RPL3: variants seen among roughly 807,000 people sequenced by gnomAD.
RPL3 encodes the protein large ribosomal subunit protein uL3.
RPL3 carries 3 observed loss-of-function variants against 46.0 expected under a neutral mutation model. The observed-to-expected ratio is 0.07, with a 90% CI of 0.03 to 0.17. RPL3 has a LOEUF of 0.17. Ranked by LOEUF, RPL3 falls within the 10% of genes least tolerant of loss-of-function variation. The pLI is 1.00. For missense variants in RPL3, 387 were observed against 532.7 expected (o/e 0.73, Z 2.69); for synonymous variants, 224 against 190.8 (o/e 1.17, Z -1.43).
intron 1 of RPL3, 39 bp from the exon 2 acceptor site, chr22:39,318,631 A>G: frequency 1.3e-6 from 2 of 1,528,798 alleles, no homozygotes; most frequent in Non-Finnish European, 8.9e-7. Flanking sequence ...CCCAAACCAA[A>G]GCAGTGCCCC....
chr22:39,317,131 G>C (rs1158986838), intron 3 of RPL3: 1 of 588,506 alleles, frequency 1.7e-6, no homozygotes, highest in East Asian at 3.0e-5. Flanking sequence ...TGAAGGAAAT[G>C]GGACATTCCA....
chr22:39,317,302 GC>G lies in RPL3; in HGVS notation c.365+158del, dbSNP rs535558651. ...GCTTCCGGCTGAAACCAGATGGCTGGCCAAGTCTGATCCCAGGTATTTTTCT... is the reference window on the plus strand; with the variant it reads ...GCTTCCGGCTGAAACCAGATGGCTGGCAAGTCTGATCCCAGGTATTTTTCT... On this transcript the variant is annotated intron_variant, in intron 3 of 9. Transcript: ENST00000216146. 331 of 821,862 alleles carry G rather than the reference GC, an allele frequency of 4.0e-4. 3 individuals carry two copies. In the South Asian group the frequency reaches 5.0e-3, roughly 12 times the overall value. The allele number at this position is 821,862 out of a possible 1,614,324, so 50.9% of individuals were successfully genotyped here.
rs989128655 is a variant in RPL3 at position 39,318,226 on chromosome 22, G to A, written c.196+174C>T. 4 of 636,316 alleles carry A rather than the reference G, an allele frequency of 6.3e-6. No homozygotes were observed. The African/African-American group carries it at 7.4e-5, about 12-fold the overall frequency. 39.4% of individuals were successfully genotyped at this position (636,316 alleles called of 1,614,324 possible). On this transcript the variant is annotated intron_variant, in intron 2 of 9. Transcript: ENST00000216146. ...AACAGTGCTGACCATCTGTAGCCTT[G>A]GAATATTAGTTTTCAAGTTAAGCAT...
chr22:39,313,944 C>A (rs1922519075), intron 7 of RPL3, 163 bp downstream of exon 7: 2 of 837,352 alleles, frequency 2.4e-6, no homozygotes, highest in Non-Finnish European at 4.2e-6. Context: ...ACCAGCCAAC[C>A]CCGACGAGTG....
At chr22:39,317,374 A>T in intron 3 of RPL3, 87 bp downstream of exon 3, 1 of 1,458,050 alleles carries the variant, frequency 6.9e-7, no homozygotes, top group Non-Finnish European at 9.4e-7. Context: ...CCTGCCTGCT[A>T]CAGAGCTGAG....
At chr22:39,314,002 T>C (rs1286178930) in intron 7 of RPL3, 105 bp downstream of exon 7, 1 of 950,500 alleles carries the variant, frequency 1.1e-6, no homozygotes, top group Non-Finnish European at 1.7e-6. Flanking sequence ...CTAGGTGTTG[T>C]GTTGGCTTCA....
rs759523316 is a variant in RPL3 at position 39,314,247 on chromosome 22, G to A, written c.850-39C>T. 6.1e-5 allele frequency: 95 copies of A among 1,548,676 alleles called. 1 individual carries two copies. The highest frequency in any genetic ancestry group is 8.9e-6 in the Non-Finnish European group (10 of 1,120,708). ...AAGGGTGTAAGGCTGGGGCATTAGG[G>A]ACAAATAACCCAGACATGCCAGTGT... On this transcript the variant is annotated intron_variant, in intron 6 of 9. Transcript: ENST00000216146.
At chr22:39,314,441 G>A (rs540476756) in intron 6 of RPL3, 8 of 625,518 alleles carry the variant, frequency 1.3e-5, no homozygotes, top group Middle Eastern at 4.3e-4. Context: ...CCCCCTGGTG[G>A]TGGCATCAGG....
intron 8 of RPL3, 90 bp from the exon 9 acceptor site, chr22:39,313,400 C>T (rs1226989485): frequency 1.3e-6 from 2 of 1,570,284 alleles, no homozygotes; most frequent in Non-Finnish European, 1.7e-6. Flanking sequence ...TGGGAAGCCA[C>T]ACGATCAATT....
intron 4 of RPL3, among the ~76,000 whole-genome samples, chr22:39,315,848 T>G (rs1219468291): frequency 1.3e-5 from 2 of 152,220 alleles, no homozygotes; most frequent in Non-Finnish European, 2.9e-5. Context: ...GGCTGTCCTT[T>G]GGGTCAGTTC....
chr22:39,317,769 CTTA>C, intron 2 of RPL3, 140 bp from the exon 3 acceptor site: 1 of 850,096 alleles, frequency 1.2e-6, no homozygotes, highest in Admixed American at 2.6e-5. Flanking sequence ...CAGGGCTGTC[CTTA>C]CTGCCTATCT....
At chr22:39,316,939 G>A (rs1922735893) in intron 3 of RPL3, 98 bp from the exon 4 acceptor site, 2 of 1,584,902 alleles carry the variant, frequency 1.3e-6, no homozygotes, top group Non-Finnish European at 1.7e-6. Flanking sequence ...GCGTGGGGAT[G>A]GAGCTCATTG....
At chr22:39,317,405 C>T (rs1922768940) in intron 3 of RPL3, 56 bp downstream of exon 3, 1 of 1,574,874 alleles carries the variant, frequency 6.3e-7, no homozygotes, top group Admixed American at 1.8e-5. Flanking sequence ...CACGCTGCTC[C>T]CTGCTCTCCA....
chr22:39,313,755 C>A lies in RPL3; in HGVS notation c.952-26G>T, dbSNP rs775890743. On this transcript the variant is annotated intron_variant, in intron 7 of 9. Transcript: ENST00000216146. The stretch of plus-strand genomic sequence containing the variant: ...CTGGAAAACGAGCATCGGATCAGCA[C>A]AGGCCCAGGAGGGGATTGTCGTGCA... The A allele has an allele frequency of 4.1e-5, 66 of 1,607,884 alleles. No individual in the cohort carries two copies. In the South Asian group the frequency reaches 7.0e-4, roughly 17 times the overall value.
intron 4 of RPL3, 89 bp downstream of exon 4, chr22:39,316,617 C>T: frequency 6.5e-7 from 1 of 1,550,322 alleles, no homozygotes; most frequent in Non-Finnish European, 8.9e-7. Flanking sequence ...AGAAGCCTAC[C>T]CATAAGCGTG....
Position 39,313,608 on chromosome 22 carries a change from C to CA in RPL3, c.1047+25_1047+26insT, listed in dbSNP as rs533183111. 7.9e-4 allele frequency: 1,262 copies of CA among 1,606,306 alleles called. 21 individuals are homozygous for CA. The South Asian group carries it at 1.0e-2, about 13-fold the overall frequency. On this transcript the variant is annotated intron_variant, in intron 8 of 9. Transcript: ENST00000216146. Reference sequence around the variant, plus strand: ...GGATCCTCCCTCTACAAGAGCCCCCCCATGACAAGTCAGGACCTGCCTCAC... The same window carrying CA: ...GGATCCTCCCTCTACAAGAGCCCCCCACATGACAAGTCAGGACCTGCCTCAC...
At chr22:39,319,512 C>T in intron 1 of RPL3, 83 bp downstream of exon 1, 1 of 1,543,196 alleles carries the variant, frequency 6.5e-7, no homozygotes, top group Non-Finnish European at 8.8e-7. Flanking sequence ...CGGCGCCGGC[C>T]AAGACGGGAT....
rs905821866 is a variant in RPL3, at chr22:39,313,535, C to A, written c.1047+99G>T. ...AGTGTGAAAGGACTGCCAACACCCT[C>A]TCCTTCCTTTCCTCTCCCACCACAG... is the stretch of plus-strand genomic sequence containing the variant. On this transcript the variant is annotated intron_variant, in intron 8 of 9. Transcript: ENST00000216146. 6.1e-6 allele frequency: 8 copies of A among 1,310,360 alleles called. No homozygotes were observed. The Admixed American group carries it at 1.5e-4, about 25-fold the overall frequency. 81.2% of individuals were successfully genotyped at this position (1,310,360 alleles called of 1,614,324 possible).
At chr22:39,313,505 A>C in intron 8 of RPL3, 129 bp downstream of exon 8, 1 of 1,248,748 alleles carries the variant, frequency 8.0e-7, no homozygotes, top group Non-Finnish European at 1.1e-6. Flanking sequence ...CAGGACTTCA[A>C]AGCCAGTGTG....
Sources: allele counts gnomAD v4.1 joint callset (sites outside exome capture counted in the v4.1 genomes callset), GRCh38; gene constraint gnomAD v4.1.1; transcripts MANE v1.5; gene names NCBI Gene and HGNC (gene_info 2026-07-23, HGNC 2026-07-21).